The following B4GALNT3 variants were observed in gnomAD, a reference collection of about 807,000 sequenced individuals.
The protein encoded by B4GALNT3 is beta-1,4-N-acetylgalactosaminyltransferase 3.
In B4GALNT3, 86 loss-of-function variants were observed where a neutral mutation model predicts 120.2. The ratio of observed to expected loss-of-function variants is 0.72; its 90% CI spans 0.60 to 0.86. The LOEUF (loss-of-function observed/expected upper bound fraction) is 0.86, where lower values mean the gene tolerates loss of function less well. Ranked by LOEUF, B4GALNT3 falls within the 40% of genes least tolerant of loss-of-function variation. The probability of loss-of-function intolerance (pLI) is 0.00; values close to 1 mark genes in which losing one functional copy is unlikely to be tolerated. For missense variants in B4GALNT3, 1,167 were observed against 1,298.9 expected (o/e 0.90, Z 1.56); for synonymous variants, 518 against 510.4 (o/e 1.01, Z -0.20).
intron 1 of B4GALNT3, among the ~76,000 whole-genome samples, chr12:530,999 G>C (rs865807819): frequency 6.6e-6 from 1 of 152,208 alleles, no homozygotes; most frequent in Non-Finnish European, 1.5e-5. Context: ...CTGGCAGCTG[G>C]TGCTCTGGGA....
chr12:513,092 T>C (rs1033832354), intron 1 of B4GALNT3, among the ~76,000 whole-genome samples: 2 of 145,646 alleles, frequency 1.4e-5, no homozygotes, highest in African/African-American at 5.3e-5. Flanking sequence ...CCTTCCACCT[T>C]CCGCCTTCCA....
intron 1 of B4GALNT3, among the ~76,000 whole-genome samples, chr12:520,493 A>C (rs1946697022): frequency 1.1e-5 from 1 of 88,418 alleles, no homozygotes; most frequent in Non-Finnish European, 2.3e-5. Context: ...TAAGGTCCTC[A>C]CTTTTCTATT....
chr12:504,243 T>C (rs1457043536), intron 1 of B4GALNT3, among the ~76,000 whole-genome samples: 1 of 145,658 alleles, frequency 6.9e-6, no homozygotes, highest in Non-Finnish European at 1.5e-5. Context: ...ATTGCATTAC[T>C]GCACTCCAGC....
intron 1 of B4GALNT3, among the ~76,000 whole-genome samples, chr12:482,725 G>A (rs1317141352): frequency 1.3e-5 from 2 of 152,124 alleles, no homozygotes; most frequent in East Asian, 3.9e-4. Context: ...GCCAGGCACC[G>A]TGGCACACAC....
intron 18 of B4GALNT3, 102 bp downstream of exon 18, chr12:558,763 T>C (rs1050928905): frequency 1.6e-6 from 2 of 1,280,126 alleles, no homozygotes; most frequent in African/African-American, 3.0e-5. Context: ...AGCATCCTCC[T>C]CCCCTGCCCC....
chr12:464,740 C>CA (rs1946060642), intron 1 of B4GALNT3, among the ~76,000 whole-genome samples: 1 of 152,192 alleles, frequency 6.6e-6, no homozygotes, highest in Non-Finnish European at 1.5e-5. Context: ...TTAGATCTCC[C>CA]ATTTAAGTGC....
At chr12:511,395 G>T (rs1357168537) in intron 1 of B4GALNT3, among the ~76,000 whole-genome samples, 1 of 53,644 alleles carries the variant, frequency 1.9e-5, no homozygotes, top group Non-Finnish European at 4.0e-5. Context: ...TCCACCTTCT[G>T]TCTTCCACCT....
intron 1 of B4GALNT3, among the ~76,000 whole-genome samples, chr12:529,057 C>T (rs1946782440): frequency 6.6e-6 from 1 of 152,208 alleles, no homozygotes. Context: ...AACCAGCCCT[C>T]CCAGGCCTCT....
Position 537,461 on chromosome 12 carries a change from TGCC to T in B4GALNT3, c.351+1167_351+1169del, listed in dbSNP as rs1946872842. 2.0e-5 allele frequency among the ~76,000 whole-genome samples: 3 copies of T among 152,312 alleles called. 1 individual carries two copies. The South Asian group carries it at 6.2e-4, about 32-fold the overall frequency. On this transcript the variant is annotated intron_variant, in intron 3 of 19. Coordinates refer to ENST00000266383, the MANE Select transcript of B4GALNT3 (RefSeq NM_173593.4). Reference sequence around the variant, plus strand: ...TTATAGAGACAGGGTCTCACTATATTGCCCAGGCTGACCTCAAACTCCTGGCCT... The same window carrying T: ...TTATAGAGACAGGGTCTCACTATATTCAGGCTGACCTCAAACTCCTGGCCT...
At chr12:545,885 T>A (rs1391393602) in intron 6 of B4GALNT3, among the ~76,000 whole-genome samples, 1 of 764 alleles carries the variant, frequency 1.3e-3, no homozygotes, top group Non-Finnish European at 2.4e-3. Context: ...AGTGGGGAGG[T>A]GCGAGGAGTG....
At chr12:477,219 G>A (rs547959847) in intron 1 of B4GALNT3, among the ~76,000 whole-genome samples, 45 of 152,278 alleles carry the variant, frequency 3.0e-4, no homozygotes, top group African/African-American at 1.1e-3. Flanking sequence ...TTTAACATCT[G>A]AGTTTCACGA....
chr12:463,439 C>G lies in B4GALNT3; in HGVS notation c.169+2894C>G, dbSNP rs76288948. 8.7e-3 allele frequency among the ~76,000 whole-genome samples: 1,321 copies of G among 152,282 alleles called. 30 individuals carry two copies. The highest frequency in any genetic ancestry group is 0.03 in the African/African-American group (1,255 of 41,550). ...TAGAAAATTGACAAAAGAATTAGGA[C>G]TGTTCACGCATTCATTTACACAAAT... On this transcript the variant is annotated intron_variant, in intron 1 of 19. Coordinates refer to ENST00000266383, the MANE Select transcript of B4GALNT3 (RefSeq NM_173593.4).
intron 1 of B4GALNT3, among the ~76,000 whole-genome samples, chr12:477,197 A>C (rs996633306): frequency 8.5e-5 from 13 of 152,316 alleles, no homozygotes; most frequent in African/African-American, 3.1e-4. Context: ...TTGTTTGCTG[A>C]GGATGCCTCC....
chr12:507,233 G>T (rs1026359287), intron 1 of B4GALNT3, among the ~76,000 whole-genome samples: 59 of 152,134 alleles, frequency 3.9e-4, no homozygotes, highest in African/African-American at 1.2e-3. Context: ...GCGTTTTTTT[G>T]ATAGTGTCAC....
At chr12:517,481 G>T (rs1329961141) in intron 1 of B4GALNT3, among the ~76,000 whole-genome samples, 1 of 152,196 alleles carries the variant, frequency 6.6e-6, no homozygotes, top group Non-Finnish European at 1.5e-5. Context: ...CAGGTGTCTT[G>T]TGGGAGGCGA....
intron 1 of B4GALNT3, among the ~76,000 whole-genome samples, chr12:481,598 G>A (rs1025913246): frequency 1.2e-4 from 18 of 152,194 alleles, no homozygotes; most frequent in African/African-American, 3.9e-4. Flanking sequence ...TTACCTCACC[G>A]CAGGGCCCCT....
intron 1 of B4GALNT3, among the ~76,000 whole-genome samples, chr12:481,188 G>A (rs1451129561): frequency 6.6e-6 from 1 of 152,186 alleles, no homozygotes; most frequent in Non-Finnish European, 1.5e-5. Context: ...CTCCAAAGAA[G>A]AGGGGTGGGA....
chr12:543,534 G>A (rs1457411195), intron 3 of B4GALNT3, among the ~76,000 whole-genome samples: 3 of 98,004 alleles, frequency 3.1e-5, no homozygotes, highest in Non-Finnish European at 6.2e-5. Context: ...GAGCTGGGAC[G>A]GGCATGGGGT....
chr12:545,140 G>C (rs1455744566), intron 5 of B4GALNT3, 168 bp downstream of exon 5: 1 of 1,445,362 alleles, frequency 6.9e-7, no homozygotes, highest in African/African-American at 1.4e-5. Context: ...ACTCCCACAG[G>C]CTGCTGCTTT....
Sources: gnomAD v4.1 joint callset for allele counts (sites outside exome capture counted in the v4.1 genomes callset) on GRCh38, gnomAD v4.1.1 for gene constraint, MANE v1.5 for transcripts, NCBI Gene and HGNC (gene_info 2026-07-23, HGNC 2026-07-21) for gene names.